Variants in LIPC observed in about 807,000 individuals in gnomAD.
The protein encoded by LIPC is lipase C, hepatic type, also known as hepatic triacylglycerol lipase.
LIPC carries 44 observed loss-of-function variants against 50.7 expected under a neutral mutation model. The ratio of observed to expected loss-of-function variants is 0.87; its 90% CI spans 0.68 to 1.11. LIPC has a LOEUF of 1.11. LIPC is among the 50% of genes most tolerant of loss of function. The pLI is 0.00. For missense variants in LIPC, 697 were observed against 648.2 expected, an observed-to-expected ratio of 1.08 and a Z score of -0.82; for synonymous variants, 271 against 256.4, an observed-to-expected ratio of 1.06 and a Z score of -0.54.
At chr15:58,513,670 G>A (rs925943402) in intron 1 of LIPC, among the ~76,000 whole-genome samples, 5 of 152,154 alleles carry the variant, frequency 3.3e-5, no homozygotes, top group Admixed American at 3.3e-4. Context: ...CTTTTAGCAC[G>A]TCCCTCAAAT....
At chr15:58,524,869 G>A (rs1010918620) in intron 1 of LIPC, among the ~76,000 whole-genome samples, 3 of 151,792 alleles carry the variant, frequency 2.0e-5, no homozygotes, top group Non-Finnish European at 4.4e-5. Flanking sequence ...TTCATTTTTT[G>A]CCTCTGCTTA....
intron 1 of LIPC, among the ~76,000 whole-genome samples, chr15:58,443,201 T>C (rs928091896): frequency 6.6e-6 from 1 of 152,186 alleles, no homozygotes; most frequent in Non-Finnish European, 1.5e-5. Context: ...CCTGAACCAC[T>C]GTGCCTGGCC....
chr15:58,525,878 A>G (rs1892787586), intron 1 of LIPC, among the ~76,000 whole-genome samples: 1 of 152,238 alleles, frequency 6.6e-6, no homozygotes, highest in South Asian at 2.1e-4. Context: ...GCCTACTTCT[A>G]CTACCACCAA....
chr15:58,565,218 G>T, intron 8 of LIPC: 3 of 1,535,680 alleles, frequency 2.0e-6, no homozygotes, highest in Non-Finnish European at 2.6e-6. Flanking sequence ...TAAACTGCTC[G>T]CTCCTCTTCT....
At chr15:58,555,831 G>T (rs987543869) in intron 6 of LIPC, among the ~76,000 whole-genome samples, 1 of 152,224 alleles carries the variant, frequency 6.6e-6, no homozygotes, top group East Asian at 1.9e-4. Context: ...TGGGAGGGCA[G>T]TGGCTGCACA....
chr15:58,443,772 G>A (rs1330509427), intron 1 of LIPC, among the ~76,000 whole-genome samples: 3 of 152,226 alleles, frequency 2.0e-5, no homozygotes, highest in Non-Finnish European at 4.4e-5. Context: ...TGAAAAAGGA[G>A]TCAGCAAAGG....
At chr15:58,461,932 C>T (rs151081146) in intron 1 of LIPC, among the ~76,000 whole-genome samples, 1 of 151,960 alleles carries the variant, frequency 6.6e-6, no homozygotes, top group African/African-American at 2.4e-5. Flanking sequence ...CCCCCCGCCC[C>T]CACATCCCAC....
intron 7 of LIPC, among the ~76,000 whole-genome samples, chr15:58,561,298 G>C (rs1262768244): frequency 6.6e-6 from 1 of 152,194 alleles, no homozygotes; most frequent in Admixed American, 6.5e-5. Flanking sequence ...GTCCAGAAAG[G>C]CAGGAGAACT....
In LIPC at chr15:58,557,379, C is replaced by CTTTTTTTTTTTTTT. The variant is rs386383140; in HGVS notation, c.1052-3475_1052-3462dup. Among the ~76,000 whole-genome samples, 32 of 75,692 alleles carry CTTTTTTTTTTTTTT rather than the reference C, an allele frequency of 4.2e-4. 2 individuals are homozygous for CTTTTTTTTTTTTTT. The highest frequency in any genetic ancestry group is 6.5e-4 in the African/African-American group (12 of 18,578). The allele number at this position is 75,692 out of a possible 152,430, so 49.7% of individuals were successfully genotyped here. A position where few individuals can be genotyped will look rare whatever the true frequency, so the allele number is the denominator to read the frequency against. On this transcript the variant is annotated intron_variant, in intron 6 of 8. Coordinates refer to ENST00000299022, the MANE Select transcript of LIPC (RefSeq NM_000236.3). ...ATCATGCATACTGCCATTATATGCTCTTTTTTTTTTTTTTTTTTTTTTTGA... is the reference window on the plus strand; with the variant it reads ...ATCATGCATACTGCCATTATATGCTCTTTTTTTTTTTTTTTTTTTTTTTTTTTTTTTTTTTTTGA...
chr15:58,468,529 C>T (rs1479466963), intron 1 of LIPC, among the ~76,000 whole-genome samples: 2 of 152,200 alleles, frequency 1.3e-5, no homozygotes, highest in Non-Finnish European at 2.9e-5. Flanking sequence ...TCTAGCCCTG[C>T]CGCCCACTCG....
At chr15:58,511,797 A>G (rs1403631954) in intron 1 of LIPC, among the ~76,000 whole-genome samples, 4 of 152,252 alleles carry the variant, frequency 2.6e-5, no homozygotes, top group African/African-American at 9.6e-5. Context: ...TTGTAACTTA[A>G]GTTACAACAG....
chr15:58,442,497 G>A (rs957828756), intron 1 of LIPC, among the ~76,000 whole-genome samples: 6 of 152,306 alleles, frequency 3.9e-5, no homozygotes, highest in Middle Eastern at 6.8e-3. Flanking sequence ...ATTAAGTGCT[G>A]ACAATGAAAA....
At chr15:58,519,738 T>C (rs1892596579) in intron 1 of LIPC, among the ~76,000 whole-genome samples, 1 of 152,208 alleles carries the variant, frequency 6.6e-6, no homozygotes, top group African/African-American at 2.4e-5. Flanking sequence ...TGGGGTGGTG[T>C]ATTGTGTCTC....
At chr15:58,548,952 T>C (rs1893647161) in intron 6 of LIPC, among the ~76,000 whole-genome samples, 1 of 152,216 alleles carries the variant, frequency 6.6e-6, no homozygotes, top group East Asian at 1.9e-4. Flanking sequence ...AGTTCTTTCA[T>C]CTCTGTTCAC....
At chr15:58,523,184 C>T (rs1892705008) in intron 1 of LIPC, 1 of 152,402 alleles carries the variant, frequency 6.6e-6, no homozygotes, top group African/African-American at 2.4e-5. Flanking sequence ...AGCCAGCTTC[C>T]TTCCACAGAA....
chr15:58,532,164 A>C (rs574419319), intron 1 of LIPC, among the ~76,000 whole-genome samples: 1 of 152,354 alleles, frequency 6.6e-6, no homozygotes, highest in Non-Finnish European at 1.5e-5. Flanking sequence ...TGGGAGTGGG[A>C]GAAACATTCC....
At chr15:58,558,616 A>G (rs1362760820) in intron 6 of LIPC, among the ~76,000 whole-genome samples, 1 of 4,100 alleles carries the variant, frequency 2.4e-4, no homozygotes, top group African/African-American at 3.7e-4. Context: ...AGCAGCGCAA[A>G]CCCTATTGTG....
In LIPC at chr15:58,567,196, G is replaced by A. The variant is rs111285504; in HGVS notation, c.1389-1520G>A. Among the ~76,000 whole-genome samples the A allele has an allele frequency of 3.1e-3, 311 of 100,092 alleles. 2 individuals carry two copies. Among genetic ancestry groups the A allele is most frequent in the Non-Finnish European group, 3.9e-3 (208 of 53,730 alleles). The allele number at this position is 100,092 out of a possible 152,430, so 65.7% of individuals were successfully genotyped here. A position where few individuals can be genotyped will look rare whatever the true frequency, so the allele number is the denominator to read the frequency against. On this transcript the variant is annotated intron_variant, in intron 8 of 8. Transcript: ENST00000299022. ...CAGCCTGGCGACAGAGCGAGACTCC[G>A]TCTCAAAAAAAATAAAAAATATATA...
At chr15:58,502,370 C>T (rs1026098292) in intron 1 of LIPC, among the ~76,000 whole-genome samples, 13 of 152,110 alleles carry the variant, frequency 8.5e-5, no homozygotes, top group Admixed American at 5.9e-4. Context: ...GACTTAGCTG[C>T]CATCCCGAGT....
Sources: allele counts gnomAD v4.1 joint callset (sites outside exome capture counted in the v4.1 genomes callset), GRCh38; gene constraint gnomAD v4.1.1; transcripts MANE v1.5; gene names NCBI Gene and HGNC (gene_info 2026-07-23, HGNC 2026-07-21).